ASIC2: variants seen among roughly 807,000 people sequenced by gnomAD.
ASIC2 encodes the protein acid sensing ion channel subunit 2, also known as acid-sensing ion channel 2.
In ASIC2, 25 loss-of-function variants were observed where a neutral mutation model predicts 57.3. The observed-to-expected ratio is 0.44, with a 90% CI of 0.32 to 0.61. ASIC2 has a LOEUF of 0.61. ASIC2 is among the 20% of genes least tolerant of loss of function. ASIC2 has a pLI of 0.06. For missense variants in ASIC2, 641 were observed against 738.1 expected (o/e 0.87, Z 1.52); for synonymous variants, 319 against 307.5 (o/e 1.04, Z -0.39).
At chr17:33,814,404 C>T (rs138541834) in intron 1 of ASIC2, among the ~76,000 whole-genome samples, 12 of 152,268 alleles carry the variant, frequency 7.9e-5, no homozygotes, top group East Asian at 1.9e-4. Context: ...CTGACACTTC[C>T]GATTTGGGGT....
intron 1 of ASIC2, among the ~76,000 whole-genome samples, chr17:33,515,661 G>A (rs568817963): frequency 9.3e-4 from 142 of 152,176 alleles, no homozygotes; most frequent in Non-Finnish European, 1.5e-3. Context: ...CTTCCTTCCC[G>A]CATGGCTGGG....
chr17:33,298,783 C>T (rs533247707), intron 1 of ASIC2, among the ~76,000 whole-genome samples: 5 of 152,160 alleles, frequency 3.3e-5, no homozygotes, highest in Admixed American at 6.5e-5. Flanking sequence ...TTCTAATGAT[C>T]GCCATTCTAA....
chr17:34,027,828 G>A (rs191965604), intron 1 of ASIC2, among the ~76,000 whole-genome samples: 4 of 152,256 alleles, frequency 2.6e-5, no homozygotes, highest in East Asian at 1.9e-4. Flanking sequence ...GACCTAGAAC[G>A]GTGCTTTATT....
chr17:33,018,368 G>C (rs1409144371), intron 7 of ASIC2, among the ~76,000 whole-genome samples: 1 of 152,232 alleles, frequency 6.6e-6, no homozygotes, highest in Admixed American at 6.5e-5. Context: ...GAGCCTCTGC[G>C]GTTGGGGTCT....
chr17:33,109,856 G>T (rs1221415173), intron 2 of ASIC2, among the ~76,000 whole-genome samples: 2 of 152,160 alleles, frequency 1.3e-5, no homozygotes, highest in Non-Finnish European at 2.9e-5. Flanking sequence ...GAAAGAGAAG[G>T]TTGGCCTGGA....
In ASIC2 at chr17:33,044,260, A is replaced by AT. The variant is rs1174290759; in HGVS notation, c.988-15869_988-15868insA. Among the ~76,000 whole-genome samples, 630 of 92,610 alleles carry AT rather than the reference A, an allele frequency of 6.8e-3. 3 individuals are homozygous for AT. Among genetic ancestry groups the AT allele is most frequent in the African/African-American group, 0.017 (478 of 28,878 alleles). The allele number at this position is 92,610 out of a possible 152,430, so 60.8% of individuals were successfully genotyped here. On this transcript the variant is annotated intron_variant, in intron 3 of 9. Coordinates refer to ENST00000225823, the MANE Select transcript of ASIC2 (RefSeq NM_183377.2). The stretch of plus-strand genomic sequence containing the variant: ...TATCTGTCCATCTGTTCATCCATCT[A>AT]CCCATCCATCCATCCATCCATCCAT...
intron 1 of ASIC2, among the ~76,000 whole-genome samples, chr17:34,109,246 A>G (rs1369723925): frequency 6.6e-6 from 1 of 152,140 alleles, no homozygotes; most frequent in Non-Finnish European, 1.5e-5. Flanking sequence ...AGGATTATGC[A>G]TGTAGACGAT....
chr17:33,427,642 C>T (rs963024219), intron 1 of ASIC2, among the ~76,000 whole-genome samples: 2 of 152,186 alleles, frequency 1.3e-5, no homozygotes, highest in African/African-American at 4.8e-5. Context: ...CAGGGAGGCT[C>T]ACTCTTTGAG....
intron 1 of ASIC2, among the ~76,000 whole-genome samples, chr17:33,985,368 A>G (rs1004125062): frequency 1.3e-5 from 2 of 152,192 alleles, no homozygotes; most frequent in African/African-American, 4.8e-5. Flanking sequence ...TCGTAACTTT[A>G]GCGTGCATAG....
At chr17:33,429,291 A>T (rs1400214251) in intron 1 of ASIC2, among the ~76,000 whole-genome samples, 2 of 152,202 alleles carry the variant, frequency 1.3e-5, no homozygotes, top group African/African-American at 2.4e-5. Flanking sequence ...CAAATAAGAG[A>T]TAAGATAAGA....
intron 1 of ASIC2, among the ~76,000 whole-genome samples, chr17:33,646,274 G>A (rs572215254): frequency 7.0e-4 from 106 of 152,182 alleles, no homozygotes; most frequent in Non-Finnish European, 1.3e-3. Context: ...AAGATTAGAT[G>A]TGTGTATATT....
chr17:33,697,999 G>A (rs768432138), intron 1 of ASIC2, among the ~76,000 whole-genome samples: 1 of 152,112 alleles, frequency 6.6e-6, no homozygotes, highest in East Asian at 1.9e-4. Context: ...GATTAAGACC[G>A]GTTGAGTAGT....
chr17:33,668,101 C>T (rs549807396), intron 1 of ASIC2, among the ~76,000 whole-genome samples: 15 of 152,134 alleles, frequency 9.9e-5, no homozygotes, highest in Middle Eastern at 3.4e-3. Flanking sequence ...GTTTGTGAAC[C>T]GCGCTGGCGT....
chr17:34,020,538 C>T (rs924062598), intron 1 of ASIC2, among the ~76,000 whole-genome samples: 8 of 152,116 alleles, frequency 5.3e-5, no homozygotes, highest in South Asian at 2.1e-4. Context: ...TCAGACCTGT[C>T]GAGCAGAAGA....
intron 1 of ASIC2, among the ~76,000 whole-genome samples, chr17:33,736,604 T>C (rs189029832): frequency 9.2e-5 from 14 of 152,070 alleles, no homozygotes; most frequent in Admixed American, 5.9e-4. Flanking sequence ...TTGTTTTAAG[T>C]TTTTTTTCAA....
At chr17:33,272,064 C>T (rs959342510) in intron 1 of ASIC2, among the ~76,000 whole-genome samples, 2 of 152,160 alleles carry the variant, frequency 1.3e-5, no homozygotes, top group African/African-American at 4.8e-5. Context: ...AGCACCTTGC[C>T]TCTAGGTCTT....
intron 1 of ASIC2, among the ~76,000 whole-genome samples, chr17:33,531,416 A>T (rs1014825396): frequency 4.6e-5 from 7 of 152,106 alleles, no homozygotes; most frequent in African/African-American, 1.7e-4. Flanking sequence ...GAAAGTCAAG[A>T]CACGTGGGCC....
chr17:33,141,201 C>G (rs2092386312), intron 1 of ASIC2, among the ~76,000 whole-genome samples: 2 of 152,162 alleles, frequency 1.3e-5, no homozygotes, highest in Non-Finnish European at 2.9e-5. Flanking sequence ...AGGACTCCTC[C>G]CCAAGGGTGA....
chr17:33,237,289 G>A lies in ASIC2; in HGVS notation c.708+54119C>T, dbSNP rs1336758421. Among the ~76,000 whole-genome samples, 7 of 152,140 alleles carry A rather than the reference G, an allele frequency of 4.6e-5. 1 individual carries two copies. Among genetic ancestry groups the A allele is most frequent in the Admixed American group, 4.6e-4 (7 of 15,272 alleles). ...GGCTGCAGAATGGAGGCCACAGCAGGGTTTGTGGTGGGAGAAGGTATTGGT... is the reference window on the plus strand; with the variant it reads ...GGCTGCAGAATGGAGGCCACAGCAGAGTTTGTGGTGGGAGAAGGTATTGGT... On this transcript the variant is annotated intron_variant, in intron 1 of 9. Transcript: ENST00000225823.
Sources: gnomAD v4.1 joint callset for allele counts (sites outside exome capture counted in the v4.1 genomes callset) on GRCh38, gnomAD v4.1.1 for gene constraint, MANE v1.5 for transcripts, NCBI Gene and HGNC (gene_info 2026-07-23, HGNC 2026-07-21) for gene names.